The following ROBO2 variants were observed in gnomAD, a reference collection of about 807,000 sequenced individuals.
The protein encoded by ROBO2 is roundabout homolog 2.
ROBO2 carries 53 observed loss-of-function variants against 160.8 expected under a neutral mutation model. The observed-to-expected ratio is 0.33, with a 90% CI of 0.26 to 0.41. ROBO2 has a LOEUF of 0.41. Ranked by LOEUF, ROBO2 falls within the 10% of genes least tolerant of loss-of-function variation. ROBO2 has a pLI of 1.00. For synonymous variants in ROBO2, 664 were observed against 611.7 expected, an observed-to-expected ratio of 1.09 and a Z score of -1.26; for missense variants, 1,577 against 1,722.4, an observed-to-expected ratio of 0.92 and a Z score of 1.49.
intron 2 of ROBO2, among the ~76,000 whole-genome samples, chr3:77,402,955 CT>C (rs2075942151): frequency 6.6e-6 from 1 of 152,178 alleles, no homozygotes; most frequent in Non-Finnish European, 1.5e-5. Context: ...GACTCTCCTT[CT>C]GCCTTATGCC....
In ROBO2 at chr3:76,253,399, A is replaced by T. The variant is rs541245988; in HGVS notation, c.109+315797A>T. Among the ~76,000 whole-genome samples the T allele has an allele frequency of 2.2e-4, 33 of 151,908 alleles. 1 individual carries two copies. The South Asian group carries it at 6.4e-3, about 30-fold the overall frequency. On this transcript the variant is annotated intron_variant, in intron 2 of 26. Transcript: ENST00000487694. ...GTGATTCCCCCACCTCAGCCTCCTG[A>T]GTAGCTGGTACTACAGGTGTGCATC...
chr3:77,196,903 A>G (rs1237326572), intron 2 of ROBO2, among the ~76,000 whole-genome samples: 3 of 152,038 alleles, frequency 2.0e-5, no homozygotes, highest in Non-Finnish European at 4.4e-5. Context: ...CTAATATATC[A>G]AAAAAGGGCA....
intron 2 of ROBO2, among the ~76,000 whole-genome samples, chr3:76,573,767 G>A (rs1402546438): frequency 6.6e-6 from 1 of 152,056 alleles, no homozygotes; most frequent in South Asian, 2.1e-4. Context: ...ACCTGCAGAA[G>A]AAGCATTTGG....
chr3:76,429,166 GCACA>G (rs371649400), intron 2 of ROBO2, among the ~76,000 whole-genome samples: 36 of 149,098 alleles, frequency 2.4e-4, no homozygotes, highest in East Asian at 1.8e-3. Context: ...ACCAGTGGGC[GCACA>G]CACACACACA....
intron 2 of ROBO2, among the ~76,000 whole-genome samples, chr3:77,473,591 C>A (rs1322827023): frequency 6.6e-6 from 1 of 151,008 alleles, no homozygotes; most frequent in Admixed American, 6.6e-5. Flanking sequence ...GTAGCTGGGA[C>A]TACAGGCACC....
chr3:76,892,141 G>T (rs1330706376), intron 2 of ROBO2, among the ~76,000 whole-genome samples: 1 of 151,988 alleles, frequency 6.6e-6, no homozygotes, highest in Non-Finnish European at 1.5e-5. Flanking sequence ...TTTAAAGAAT[G>T]GGAAGGTAAG....
chr3:77,503,683 T>C (rs1201877623), intron 5 of ROBO2, among the ~76,000 whole-genome samples: 1 of 152,004 alleles, frequency 6.6e-6, no homozygotes, highest in Non-Finnish European at 1.5e-5. Context: ...CATGGATGGT[T>C]ATGAGTTAAC....
chr3:76,762,757 A>G (rs569817185), intron 2 of ROBO2, among the ~76,000 whole-genome samples: 2 of 151,702 alleles, frequency 1.3e-5, no homozygotes, highest in Non-Finnish European at 3.0e-5. Context: ...ACACTTTATT[A>G]CAGAGGCTCT....
At chr3:76,686,072 C>T (rs957095719) in intron 2 of ROBO2, among the ~76,000 whole-genome samples, 2 of 152,166 alleles carry the variant, frequency 1.3e-5, no homozygotes, top group African/African-American at 2.4e-5. Flanking sequence ...TGAAAGCATG[C>T]GATAGCCATC....
At chr3:77,580,632 T>C (rs932190727) in intron 16 of ROBO2, among the ~76,000 whole-genome samples, 5 of 152,122 alleles carry the variant, frequency 3.3e-5, no homozygotes, top group Non-Finnish European at 7.4e-5. Context: ...TTGTCTGTTC[T>C]TGAGATGTAT....
intron 2 of ROBO2, among the ~76,000 whole-genome samples, chr3:77,399,077 T>C (rs533709089): frequency 6.6e-6 from 1 of 152,284 alleles, no homozygotes; most frequent in South Asian, 2.1e-4. Flanking sequence ...AAAAGATAAA[T>C]CAAATTGCCA....
At chr3:76,552,800 T>A (rs760871111) in intron 2 of ROBO2, among the ~76,000 whole-genome samples, 1 of 152,212 alleles carries the variant, frequency 6.6e-6, no homozygotes, top group Non-Finnish European at 1.5e-5. Context: ...AGTAGTTCCA[T>A]TGGGTTCCAT....
At chr3:76,173,229 T>C (rs945655066) in intron 2 of ROBO2, among the ~76,000 whole-genome samples, 10 of 151,598 alleles carry the variant, frequency 6.6e-5, no homozygotes, top group Admixed American at 2.0e-4. Flanking sequence ...TGAGTATATA[T>C]ATGTGTGTGT....
chr3:77,159,469 C>T (rs962618618), intron 2 of ROBO2, among the ~76,000 whole-genome samples: 1 of 151,872 alleles, frequency 6.6e-6, no homozygotes, highest in Admixed American at 6.6e-5. Flanking sequence ...CAGTCCTTAC[C>T]CAGCTCTTCC....
intron 2 of ROBO2, among the ~76,000 whole-genome samples, chr3:75,963,757 A>G (rs1450885882): frequency 6.6e-6 from 1 of 151,684 alleles, no homozygotes; most frequent in Non-Finnish European, 1.5e-5. Context: ...GAGGACCACG[A>G]TGGAAGGATC....
chr3:76,567,652 T>TATATACAC (rs1404175553), intron 2 of ROBO2, among the ~76,000 whole-genome samples: 1 of 63,956 alleles, frequency 1.6e-5, no homozygotes, highest in African/African-American at 6.5e-5. Context: ...TATATATATA[T>TATATACAC]ACACATACAC....
intron 2 of ROBO2, among the ~76,000 whole-genome samples, chr3:77,280,922 T>C (rs2060198801): frequency 6.6e-6 from 1 of 152,186 alleles, no homozygotes; most frequent in African/African-American, 2.4e-5. Flanking sequence ...ATCAGCCAGT[T>C]CCTGACACTA....
At chr3:76,707,728 T>A (rs2107553370) in intron 2 of ROBO2, among the ~76,000 whole-genome samples, 1 of 82,794 alleles carries the variant, frequency 1.2e-5, no homozygotes, top group South Asian at 5.0e-4. Context: ...AATACATGTG[T>A]GTGTATATAT....
intron 2 of ROBO2, among the ~76,000 whole-genome samples, chr3:76,828,309 T>C (rs1263346763): frequency 6.6e-6 from 1 of 152,042 alleles, no homozygotes; most frequent in African/African-American, 2.4e-5. Context: ...TTATACACTT[T>C]ATTTTATCTA....
Sources: allele counts gnomAD v4.1 joint callset (sites outside exome capture counted in the v4.1 genomes callset), GRCh38; gene constraint gnomAD v4.1.1; transcripts MANE v1.5; gene names NCBI Gene and HGNC (gene_info 2026-07-23, HGNC 2026-07-21).